TMEM132C: variants seen among roughly 807,000 people sequenced by gnomAD.
The protein encoded by TMEM132C is transmembrane protein 132C, also known as protein phosphatase 1, regulatory subunit 152.
Under a neutral mutation model 61.4 loss-of-function variants are expected in TMEM132C, and 29 were observed. The observed-to-expected ratio is 0.47, with a 90% CI of 0.35 to 0.64. The LOEUF is 0.64. Ranked by LOEUF, TMEM132C falls within the 30% of genes least tolerant of loss-of-function variation. The pLI, the probability that TMEM132C is intolerant of heterozygous loss-of-function variation, is 0.00. For synonymous variants in TMEM132C, 656 were observed against 633.1 expected (o/e 1.04, Z -0.54); for missense variants, 1,408 against 1,476.9 (o/e 0.95, Z 0.76).
rs187162230 is a variant in TMEM132C, at chr12:128,364,387, G to T, written c.86-50345G>T. On this transcript the variant is annotated intron_variant, in intron 1 of 8. Transcript: ENST00000435159. ...CTAAGCTCGCAGAGTCTTTCTGTTG[G>T]ACGACTGTCTGTCTCTTGCTCTTCC... is the stretch of plus-strand genomic sequence containing the variant. 5.3e-5 allele frequency among the ~76,000 whole-genome samples: 8 copies of T among 151,212 alleles called. No individual in the cohort carries two copies. The East Asian group carries it at 1.6e-3, about 30-fold the overall frequency.
At position 128,415,361 on chromosome 12, in the gene TMEM132C, G is replaced by T. The variant is rs1169293689; in HGVS notation, c.715G>T (p.Gly239Trp). 1.3e-6 allele frequency: 2 copies of T among 1,564,786 alleles called. No homozygotes were observed. Among genetic ancestry groups the T allele is most frequent in the African/African-American group, 2.7e-5 (2 of 73,618 alleles). Reference protein sequence around the residue: ...YYTVHPGNERGDCAGGDFRKG... With the variant: ...YYTVHPGNERWDCAGGDFRKG... The stretch of plus-strand genomic sequence containing the variant: ...CACCGTGCACCCAGGAAACGAGCGA[G>T]GGGACTGTGCCGGGGGTGACTTCAG... Residue 239 changes from glycine (G) to tryptophan (W), a missense_variant, in exon 2 of 9, where the codon GGG becomes TGG. Coordinates refer to ENST00000435159, the MANE Select transcript of TMEM132C (RefSeq NM_001136103.3). The surrounding 1 kb of genome is among the most constrained non-coding windows in gnomAD (Gnocchi z 5.8).
intron 4 of TMEM132C, among the ~76,000 whole-genome samples, chr12:128,663,733 T>C (rs1954418683): frequency 6.6e-6 from 1 of 152,168 alleles, no homozygotes. Context: ...GTGCTTGTGT[T>C]TGTATATGTG....
At chr12:128,527,255 G>T (rs910916232) in intron 2 of TMEM132C, among the ~76,000 whole-genome samples, 1 of 152,306 alleles carries the variant, frequency 6.6e-6, no homozygotes, top group South Asian at 2.1e-4. Context: ...TGGGAGTGGG[G>T]TCAAGAAAGT....
chr12:128,346,777 T>C (rs897085490), intron 1 of TMEM132C, among the ~76,000 whole-genome samples: 9 of 152,196 alleles, frequency 5.9e-5, no homozygotes, highest in African/African-American at 2.2e-4. Context: ...CTTGGCACCC[T>C]CGTCAAAAAT....
At chr12:128,368,123 G>A (rs147960674) in intron 1 of TMEM132C, among the ~76,000 whole-genome samples, 37 of 152,324 alleles carry the variant, frequency 2.4e-4, no homozygotes, top group African/African-American at 7.0e-4. Flanking sequence ...GGAAGATCTA[G>A]CCACCAGCCA....
At chr12:128,291,040 G>T (rs1035643088) in intron 1 of TMEM132C, among the ~76,000 whole-genome samples, 1 of 152,110 alleles carries the variant, frequency 6.6e-6, no homozygotes, top group Non-Finnish European at 1.5e-5. Flanking sequence ...CGTGCTGTAG[G>T]TGAGTGCACC....
At chr12:128,465,884 G>A (rs1199799780) in intron 2 of TMEM132C, among the ~76,000 whole-genome samples, 1 of 152,214 alleles carries the variant, frequency 6.6e-6, no homozygotes, top group East Asian at 1.9e-4. Context: ...ATGAGGGTGT[G>A]TCTGTGGGAA....
intron 4 of TMEM132C, among the ~76,000 whole-genome samples, chr12:128,658,543 T>C (rs1223389030): frequency 6.6e-6 from 1 of 152,110 alleles, no homozygotes; most frequent in Non-Finnish European, 1.5e-5. Context: ...TACTTTTCCT[T>C]TGGAGCAGGC....
intron 4 of TMEM132C, 109 bp from the exon 5 acceptor site, chr12:128,669,308 A>G: frequency 7.4e-7 from 1 of 1,353,600 alleles, no homozygotes. Flanking sequence ...TGTCTTGTAC[A>G]AACAAGGACA....
At chr12:128,348,314 C>T (rs761792697) in intron 1 of TMEM132C, among the ~76,000 whole-genome samples, 4 of 152,192 alleles carry the variant, frequency 2.6e-5, no homozygotes, top group Non-Finnish European at 5.9e-5. Context: ...CAAGTGTAAG[C>T]TGTAATTTTT....
intron 1 of TMEM132C, among the ~76,000 whole-genome samples, chr12:128,403,783 A>C (rs537997144): frequency 6.6e-6 from 1 of 152,344 alleles, no homozygotes; most frequent in African/African-American, 2.4e-5. Context: ...GTGTCACTCC[A>C]TGAACTCCTA....
chr12:128,600,049 C>G (rs528979834), intron 3 of TMEM132C, among the ~76,000 whole-genome samples: 1 of 152,318 alleles, frequency 6.6e-6, no homozygotes, highest in African/African-American at 2.4e-5. Flanking sequence ...GTGGCGCGAT[C>G]TCGGCTCACT....
In TMEM132C at chr12:128,422,063, G is replaced by A. The variant is rs898497439; in HGVS notation, c.974+6443G>A. On this transcript the variant is annotated intron_variant, in intron 2 of 8. Transcript: ENST00000435159. Reference sequence around the variant, plus strand: ...TGAGTCTTCTTGAAATAAAGATCAGGATTCCTCAGAGAAAGCATAGGCATT... The same window carrying A: ...TGAGTCTTCTTGAAATAAAGATCAGAATTCCTCAGAGAAAGCATAGGCATT... Among the ~76,000 whole-genome samples, 36 of 152,230 alleles carry A rather than the reference G, an allele frequency of 2.4e-4. 1 individual carries two copies. The highest frequency in any genetic ancestry group is 2.4e-3 in the Admixed American group (36 of 15,294).
chr12:128,585,548 T>C (rs1320704855), intron 3 of TMEM132C, among the ~76,000 whole-genome samples: 1 of 152,246 alleles, frequency 6.6e-6, no homozygotes, highest in African/African-American at 2.4e-5. Flanking sequence ...ACATCTATCA[T>C]GGCATTGGGG....
chr12:128,374,230 G>A (rs991434830), intron 1 of TMEM132C, among the ~76,000 whole-genome samples: 4 of 152,152 alleles, frequency 2.6e-5, no homozygotes, highest in Non-Finnish European at 4.4e-5. Context: ...GAAAAACAAC[G>A]GGACTGAAAC....
intron 3 of TMEM132C, among the ~76,000 whole-genome samples, chr12:128,609,290 G>GCCCCCGCCTCCCTGCAACACTGTAA (rs1565990434): frequency 0.029 from 1,660 of 58,002 alleles, 179 homozygotes; most frequent in East Asian, 0.17. Context: ...CAACACTGTA[G>GCCCCCGCCTCCCTGCAACACTGTAA]CCCCCGCCTC....
chr12:128,524,012 CAAAAAAA>C (rs55999607), intron 2 of TMEM132C, among the ~76,000 whole-genome samples: 20 of 135,206 alleles, frequency 1.5e-4, no homozygotes, highest in Admixed American at 1.4e-4. Flanking sequence ...GACGCCATCT[CAAAAAAA>C]AAAAAAAAAA....
At chr12:128,637,918 G>GA (rs1399803683) in intron 4 of TMEM132C, among the ~76,000 whole-genome samples, 1 of 152,192 alleles carries the variant, frequency 6.6e-6, no homozygotes, top group Non-Finnish European at 1.5e-5. Context: ...GGGACTTTCA[G>GA]AATCAGCAAA....
chr12:128,705,717 C>A lies in TMEM132C; in HGVS notation c.2749C>A (p.Pro917Thr). The A allele has an allele frequency of 6.4e-7, 1 of 1,551,476 alleles. No homozygotes were observed. The change falls in exon 9 of 9, where the codon CCG becomes ACG. Residue 917 changes from proline (P) to threonine (T), a missense_variant. By Grantham distance (38) the Pro-to-Thr change is conservative (BLOSUM62 -1). Coordinates refer to ENST00000435159, the MANE Select transcript of TMEM132C (RefSeq NM_001136103.3). ...GGAGGAAAACGACCTGGTGCAGACT[C>A]CGCGGGGCCTGAGTGATCTGGAGAT... Reference protein sequence around the residue: ...GLEENDLVQTPRGLSDLEIGM... With the variant: ...GLEENDLVQTTRGLSDLEIGM...
Sources: allele counts gnomAD v4.1 joint callset (sites outside exome capture counted in the v4.1 genomes callset), GRCh38; gene constraint gnomAD v4.1.1; non-coding constraint Gnocchi (gnomAD v3.1); transcripts MANE v1.5; gene names NCBI Gene and HGNC (gene_info 2026-07-23, HGNC 2026-07-21).